Variants in UBR3 observed in about 807,000 individuals in gnomAD.
UBR3 encodes ubiquitin protein ligase E3 component n-recognin 3.
Under a neutral mutation model 243.2 loss-of-function variants are expected in UBR3, and 85 were observed. The ratio of observed to expected loss-of-function variants is 0.35; its 90% CI spans 0.29 to 0.42. The LOEUF (loss-of-function observed/expected upper bound fraction) is 0.42. Among genes scored for constraint, UBR3 ranks in the 10% least tolerant of loss-of-function variants. The pLI is 1.00. For synonymous variants in UBR3, 748 were observed against 799.8 expected (o/e 0.94, Z 1.09); for missense variants, 1,686 against 2,300.8 (o/e 0.73, Z 5.47).
chr2:169,984,890 A>G lies in UBR3; in HGVS notation c.3635-1755A>G, dbSNP rs575309828. Among the ~76,000 whole-genome samples the G allele has an allele frequency of 8.5e-5, 13 of 152,252 alleles. No homozygotes were observed. In the South Asian group the frequency reaches 2.7e-3, roughly 32 times the overall value. On this transcript the variant is annotated intron_variant, in intron 24 of 38. Transcript: ENST00000272793. ...ATTTTCATGCCATTGGTACTGTATC[A>G]CCATTGAAGATTGTCATTGAAGTTT...
chr2:170,017,442 A>G (rs1349059651), intron 30 of UBR3, among the ~76,000 whole-genome samples: 1 of 151,978 alleles, frequency 6.6e-6, no homozygotes, highest in Non-Finnish European at 1.5e-5. Context: ...TCTTGATGAA[A>G]CTGAAAATTT....
At chr2:169,942,441 C>T (rs1461051449) in intron 19 of UBR3, 52 bp from the exon 20 acceptor site, 4 of 1,483,824 alleles carry the variant, frequency 2.7e-6, no homozygotes, top group African/African-American at 1.4e-5. Flanking sequence ...ATTTAAACCA[C>T]AGTTTGATTT....
chr2:170,080,147 G>A (rs2091882865), intron 37 of UBR3, 124 bp downstream of exon 37: 3 of 933,300 alleles, frequency 3.2e-6, no homozygotes, highest in African/African-American at 1.7e-5. Flanking sequence ...TAGGGATTGT[G>A]TGTGTTTTTT....
intron 18 of UBR3, among the ~76,000 whole-genome samples, chr2:169,930,448 G>A (rs2086079323): frequency 1.3e-5 from 2 of 151,748 alleles, no homozygotes; most frequent in South Asian, 2.1e-4. Flanking sequence ...GTGCAGTGGC[G>A]CCATCATAGC....
intron 1 of UBR3, among the ~76,000 whole-genome samples, chr2:169,841,666 T>G (rs1041726929): frequency 8.5e-5 from 13 of 152,226 alleles, no homozygotes; most frequent in African/African-American, 3.1e-4. Flanking sequence ...AATGGGGGAC[T>G]TAGCACCCGG....
intron 32 of UBR3, among the ~76,000 whole-genome samples, chr2:170,053,427 C>T (rs2091266897): frequency 6.6e-6 from 1 of 152,210 alleles, no homozygotes; most frequent in Non-Finnish European, 1.5e-5. Flanking sequence ...TTAGCACATC[C>T]TGTGTGGTTC....
At chr2:169,966,664 G>A (rs149447163) in intron 24 of UBR3, among the ~76,000 whole-genome samples, 3 of 152,256 alleles carry the variant, frequency 2.0e-5, no homozygotes, top group African/African-American at 4.8e-5. Flanking sequence ...CCATTGCCTC[G>A]AGTAATTTAC....
Position 169,974,551 on chromosome 2 carries a change from A to G in UBR3, c.3635-12094A>G, listed in dbSNP as rs142981891. On this transcript the variant is annotated intron_variant, in intron 24 of 38. Transcript: ENST00000272793. ...CTGATTTTATTTTGAGTCTTTTCTC[A>G]TTTTTCCTTGGTTAGTATAGCTAAT... Among the ~76,000 whole-genome samples, 852 of 151,824 alleles carry G rather than the reference A, an allele frequency of 5.6e-3. 7 individuals carry two copies. The highest frequency in any genetic ancestry group is 0.019 in the African/African-American group (801 of 41,414).
intron 1 of UBR3, among the ~76,000 whole-genome samples, chr2:169,858,984 C>T (rs191727651): frequency 1.8e-3 from 273 of 151,584 alleles, no homozygotes; most frequent in Non-Finnish European, 2.9e-3. Context: ...GTATCTGTTC[C>T]TTTGTATATA....
At chr2:170,019,191 T>G (rs1426151703) in intron 30 of UBR3, among the ~76,000 whole-genome samples, 4 of 152,198 alleles carry the variant, frequency 2.6e-5, no homozygotes, top group Admixed American at 1.3e-4. Context: ...GGCAAACTCT[T>G]GCCTTGACAT....
intron 9 of UBR3, 132 bp from the exon 10 acceptor site, chr2:169,905,895 CTTAT>C: frequency 1.1e-6 from 1 of 893,060 alleles, no homozygotes. Flanking sequence ...TAGTAATTTA[CTTAT>C]TTCTATATGT....
intron 10 of UBR3, among the ~76,000 whole-genome samples, chr2:169,908,194 C>T (rs1168198218): frequency 6.6e-6 from 1 of 152,146 alleles, no homozygotes; most frequent in African/African-American, 2.4e-5. Context: ...GTTTTTCTTG[C>T]ATGAGAGTTA....
chr2:169,888,791 TATA>T (rs1559061924), intron 5 of UBR3, among the ~76,000 whole-genome samples: 1 of 152,220 alleles, frequency 6.6e-6, no homozygotes, highest in Admixed American at 6.5e-5. Flanking sequence ...TTTTCTCATT[TATA>T]ATAATAGTTT....
At chr2:170,004,337 G>C (rs1008223871) in intron 27 of UBR3, among the ~76,000 whole-genome samples, 1 of 152,228 alleles carries the variant, frequency 6.6e-6, no homozygotes, top group Non-Finnish European at 1.5e-5. Flanking sequence ...AAATAACAAA[G>C]TCTCACATTA....
intron 31 of UBR3, among the ~76,000 whole-genome samples, chr2:170,037,144 A>G (rs1248578563): frequency 6.6e-6 from 1 of 152,178 alleles, no homozygotes; most frequent in African/African-American, 2.4e-5. Context: ...TAGTTATTAA[A>G]TACTAAGGGT....
intron 24 of UBR3, among the ~76,000 whole-genome samples, chr2:169,962,060 C>T (rs1205641950): frequency 6.6e-6 from 1 of 151,816 alleles, no homozygotes; most frequent in African/African-American, 2.4e-5. Flanking sequence ...GTCTTTGTTA[C>T]TTTTTCTCTC....
rs2082076520 is a variant in UBR3 at position 169,835,997 on chromosome 2, CTCTCTCTCTCTCTCTCTCTCT to C, written c.545+7946_545+7966del. Among the ~76,000 whole-genome samples, 81 of 40,474 alleles carry C rather than the reference CTCTCTCTCTCTCTCTCTCTCT, an allele frequency of 2.0e-3. 2 individuals are homozygous for C. The highest frequency in any genetic ancestry group is 2.4e-3 in the Non-Finnish European group (60 of 25,456). The allele number at this position is 40,474 out of a possible 152,430, so 26.6% of individuals were successfully genotyped here. ...CCTGAAATTCCTGTGTGCACTGTCT[CTCTCTCTCTCTCTCTCTCTCT>C]CTCTCTCTCTCTCTCTCTCTCTCTC... On this transcript the variant is annotated intron_variant, in intron 1 of 38. Transcript: ENST00000272793.
At chr2:169,849,803 T>C (rs1369224110) in intron 1 of UBR3, among the ~76,000 whole-genome samples, 1 of 152,198 alleles carries the variant, frequency 6.6e-6, no homozygotes, top group African/African-American at 2.4e-5. Context: ...CTTCCTGCTT[T>C]AAGGATGCTG....
chr2:169,882,367 GTAAATATATATTA>G (rs2083921355), intron 5 of UBR3, among the ~76,000 whole-genome samples: 4 of 54,056 alleles, frequency 7.4e-5, no homozygotes, highest in Non-Finnish European at 2.1e-4. Flanking sequence ...TATTATATAT[GTAAATATATATTA>G]TATATAAAAA....
Sources: gnomAD v4.1 joint callset for allele counts (sites outside exome capture counted in the v4.1 genomes callset) on GRCh38, gnomAD v4.1.1 for gene constraint, MANE v1.5 for transcripts, NCBI Gene and HGNC (gene_info 2026-07-23, HGNC 2026-07-21) for gene names.